SP100: variants seen among roughly 807,000 people sequenced by gnomAD.
SP100 encodes SP100 nuclear body protein, also known as nuclear autoantigen Sp-100.
Under a neutral mutation model 130.0 loss-of-function variants are expected in SP100, and 84 were observed. The ratio of observed to expected loss-of-function variants is 0.65; its 90% confidence interval spans 0.54 to 0.77. The LOEUF (loss-of-function observed/expected upper bound fraction) is 0.77. SP100 is among the 30% of genes least tolerant of loss of function. The probability of loss-of-function intolerance (pLI) is 0.00; values close to 1 mark genes in which losing one functional copy is unlikely to be tolerated. For missense variants in SP100, 978 were observed against 1,052.2 expected (o/e 0.93, Z 0.97); for synonymous variants, 331 against 351.7 (o/e 0.94, Z 0.66).
rs2063591556 is a variant in SP100 at position 230,444,303 on chromosome 2, G to A, written c.396G>A (p.Gln132=). The change falls in exon 4 of 29, where the codon CAG becomes CAA. Residue 132 remains glutamine (Q), a synonymous_variant. Coordinates refer to ENST00000340126, the MANE Select transcript of SP100 (RefSeq NM_001080391.2). The part of the protein sequence containing the change: ...LEALFSDVNM[Q]EYPDLIHIYK... ...CACTGTTCAGCGATGTCAACATGCAGGAATACCCCGATTTAATTCACATTT... is the reference window on the plus strand; with the variant it reads ...CACTGTTCAGCGATGTCAACATGCAAGAATACCCCGATTTAATTCACATTT... The A allele has an allele frequency of 6.2e-7, 1 of 1,613,452 alleles. No individual in the cohort carries two copies. The highest frequency in any genetic ancestry group is 8.5e-7 in the Non-Finnish European group (1 of 1,179,792).
At chr2:230,442,789 A>G (rs549465210) in intron 2 of SP100, 148 bp from the exon 3 acceptor site, 81 of 645,360 alleles carry the variant, frequency 1.3e-4, no homozygotes, top group South Asian at 2.0e-4. Flanking sequence ...TGTTGCTTCA[A>G]TTGCATTTAT....
rs1200163493 is a variant in SP100, at chr2:230,544,548, C to T, written c.*1602C>T. On this transcript the variant is annotated 3_prime_UTR_variant, in exon 29 of 29. Coordinates refer to ENST00000340126, the MANE Select transcript of SP100 (RefSeq NM_001080391.2). The stretch of plus-strand genomic sequence containing the variant: ...TGTTGCCCAGGCCAGAGTGCAATGG[C>T]GTGATCTTGGCTCACCACAACCTCT... 1.3e-5 allele frequency among the ~76,000 whole-genome samples: 2 copies of T among 151,992 alleles called. No homozygotes were observed. The highest frequency in any genetic ancestry group is 2.4e-5 in the African/African-American group (1 of 41,386).
In SP100 at chr2:230,466,324, T is replaced by C. The variant is rs749680914; in HGVS notation, c.1165T>C (p.Ser389Pro). Residue 389 changes from serine to proline, a missense_variant, in exon 12 of 29, where the codon TCT becomes CCT. Ser to Pro is a moderately conservative substitution (Grantham distance 74, BLOSUM62 -1). Transcript: ENST00000340126. ...VPEPMDFRKL[S>P]TFRESFKKRV... ...AGAGCCCATGGATTTCAGAAAATTA[T>C]CTACATTCAGAGAAAGTTTTAAGAA... is the stretch of plus-strand genomic sequence containing the variant. The C allele has an allele frequency of 6.3e-7, 1 of 1,585,232 alleles. No individual in the cohort carries two copies. The highest frequency in any genetic ancestry group is 1.1e-5 in the South Asian group (1 of 89,986).
At chr2:230,416,645 G>T in intron 1 of SP100, 1 of 696,048 alleles carries the variant, frequency 1.4e-6, no homozygotes, top group Non-Finnish European at 1.9e-6. Context: ...CTCATGATCT[G>T]TGAACCCTTT....
At chr2:230,444,755 C>T (rs2149907489) in intron 4 of SP100, among the ~76,000 whole-genome samples, 1 of 152,322 alleles carries the variant, frequency 6.6e-6, no homozygotes, top group Admixed American at 6.5e-5. Flanking sequence ...CTCAGCACCA[C>T]ATGCCTGTGG....
chr2:230,416,424 C>T, intron 1 of SP100, 96 bp downstream of exon 1: 4 of 1,053,792 alleles, frequency 3.8e-6, no homozygotes, highest in Non-Finnish European at 5.7e-6. Flanking sequence ...TCACTTTAAT[C>T]CTTCTTTGCA....
At chr2:230,512,997 G>A (rs1160553777) in intron 24 of SP100, among the ~76,000 whole-genome samples, 1 of 152,202 alleles carries the variant, frequency 6.6e-6, no homozygotes, top group Non-Finnish European at 1.5e-5. Context: ...TCTGACAGGA[G>A]GTGGAGCTCA....
In SP100 at chr2:230,528,532, G is replaced by A. The variant is rs534070785; in HGVS notation, c.2095-10735G>A. Among the ~76,000 whole-genome samples, 5 of 152,144 alleles carry A rather than the reference G, an allele frequency of 3.3e-5. No individual in the cohort carries two copies. In the South Asian group the frequency reaches 1.0e-3, roughly 32 times the overall value. On this transcript the variant is annotated intron_variant, in intron 24 of 28. Coordinates refer to ENST00000340126, the MANE Select transcript of SP100 (RefSeq NM_001080391.2). The stretch of plus-strand genomic sequence containing the variant: ...AATTAAAAGAACTAGAGAAGCAAGA[G>A]AAAACAAATTCAAAAGCTAACAGAA...
intron 24 of SP100, among the ~76,000 whole-genome samples, chr2:230,523,561 T>C (rs1378747971): frequency 6.6e-6 from 1 of 152,156 alleles, no homozygotes; most frequent in Non-Finnish European, 1.5e-5. Flanking sequence ...CAAAGTATTT[T>C]TCAAGTTCAT....
At position 230,539,381 on chromosome 2, in the gene SP100, AAGTG is replaced by A; in HGVS notation, c.2210+3_2210+6del. ...CCACATCCCATCCGTGGAAGCTAAC[AAGTG>A]AGTAAGACATGTCCCCTTCCCTGAG... On this transcript the variant is annotated splice_donor_variant and splice_donor_region_variant and coding_sequence_variant and intron_variant, in exon 25 of 29. Transcript: ENST00000340126. LOFTEE classifies it high-confidence loss of function. 9 of 1,607,524 alleles carry A rather than the reference AAGTG, an allele frequency of 5.6e-6. No homozygotes were observed. Among genetic ancestry groups the A allele is most frequent in the East Asian group, 2.2e-5 (1 of 44,828 alleles).
rs55963279 is a variant in SP100 at position 230,421,504 on chromosome 2, C to CATATAT, written c.107+3852_107+3857dup. Among the ~76,000 whole-genome samples, 1,398 of 146,240 alleles carry CATATAT rather than the reference C, an allele frequency of 9.6e-3. 24 individuals carry two copies. Among genetic ancestry groups the CATATAT allele is most frequent in the African/African-American group, 0.028 (1,120 of 39,636 alleles). On this transcript the variant is annotated intron_variant, in intron 2 of 28. Coordinates refer to ENST00000340126, the MANE Select transcript of SP100 (RefSeq NM_001080391.2). The stretch of plus-strand genomic sequence containing the variant: ...TGACTAAGAGTTTATAGAAGATATA[C>CATATAT]ATATATATATATATATATCCTACCT...
At chr2:230,486,463 A>G (rs1439251886) in intron 17 of SP100, among the ~76,000 whole-genome samples, 1 of 152,066 alleles carries the variant, frequency 6.6e-6, no homozygotes, top group East Asian at 1.9e-4. Context: ...GCTGAGGATG[A>G]TTGCTTCCAG....
intron 11 of SP100, among the ~76,000 whole-genome samples, chr2:230,464,857 C>A (rs553390817): frequency 6.6e-6 from 1 of 152,260 alleles, no homozygotes; most frequent in Admixed American, 6.5e-5. Context: ...CTTTGGGAGG[C>A]TAAGGCAGGT....
chr2:230,432,867 T>C (rs1254234949), intron 2 of SP100, among the ~76,000 whole-genome samples: 1 of 152,192 alleles, frequency 6.6e-6, no homozygotes, highest in Non-Finnish European at 1.5e-5. Context: ...TCATTTATTC[T>C]CTTATGATTA....
chr2:230,470,442 T>A, intron 15 of SP100: 1 of 996,526 alleles, frequency 1.0e-6, no homozygotes, highest in African/African-American at 1.7e-5. Context: ...GACATCATTG[T>A]CATTTGTAAT....
chr2:230,479,434 A>G (rs371278026), intron 17 of SP100, among the ~76,000 whole-genome samples: 19 of 152,060 alleles, frequency 1.2e-4, no homozygotes, highest in African/African-American at 4.6e-4. Context: ...TACCACTTCC[A>G]TTTGCCAGAC....
At position 230,417,464 on chromosome 2, in the gene SP100, G is replaced by A. The variant is rs184153892; in HGVS notation, c.33-127G>A. On this transcript the variant is annotated intron_variant, in intron 1 of 28. Transcript: ENST00000340126. The stretch of plus-strand genomic sequence containing the variant: ...TTTACCAATAAGCTATCATAACAAT[G>A]ATTATATATTTCTTTTTGGGTTTTT... 33 of 1,195,990 alleles carry A rather than the reference G, an allele frequency of 2.8e-5. No individual in the cohort carries two copies. In the Admixed American group the frequency reaches 6.3e-4, roughly 23 times the overall value. The allele number at this position is 1,195,990 out of a possible 1,614,324, so 74.1% of individuals were successfully genotyped here.
At chr2:230,437,506 T>C (rs1163534457) in intron 2 of SP100, among the ~76,000 whole-genome samples, 3 of 152,186 alleles carry the variant, frequency 2.0e-5, no homozygotes, top group African/African-American at 7.2e-5. Context: ...TTGATATATA[T>C]TTCAAGGGTA....
chr2:230,447,089 A>T (rs920614669), intron 5 of SP100, among the ~76,000 whole-genome samples, 187 bp downstream of exon 5: 2 of 152,160 alleles, frequency 1.3e-5, no homozygotes, highest in African/African-American at 4.8e-5. Flanking sequence ...TGGCTCAATA[A>T]CCATGAGGGA....
Sources: allele counts gnomAD v4.1 joint callset (sites outside exome capture counted in the v4.1 genomes callset), GRCh38; gene constraint gnomAD v4.1.1; transcripts MANE v1.5; gene names NCBI Gene and HGNC (gene_info 2026-07-23, HGNC 2026-07-21).